SPIDR: variants seen among roughly 807,000 people sequenced by gnomAD.
SPIDR encodes the protein scaffold protein involved in DNA repair, also known as DNA repair-scaffolding protein.
A neutral mutation model predicts 104.6 loss-of-function variants in SPIDR; 93 were observed. The observed-to-expected ratio is 0.89, with a 90% confidence interval of 0.75 to 1.06. SPIDR has a LOEUF of 1.06. SPIDR is among the 50% of genes least tolerant of loss of function. The pLI is 0.00. For synonymous variants in SPIDR, 431 were observed against 416.9 expected (o/e 1.03, Z -0.41); for missense variants, 1,154 against 1,111.2 (o/e 1.04, Z -0.55).
At chr8:47,318,021 C>G (rs905469195) in intron 5 of SPIDR, among the ~76,000 whole-genome samples, 6 of 152,130 alleles carry the variant, frequency 3.9e-5, no homozygotes, top group East Asian at 1.9e-4. Context: ...ACTGGAAACT[C>G]TAAAAATCAG....
chr8:47,505,290 C>T (rs1030005934), intron 8 of SPIDR, among the ~76,000 whole-genome samples: 1 of 152,088 alleles, frequency 6.6e-6, no homozygotes, highest in African/African-American at 2.4e-5. Context: ...CCACCCAGTT[C>T]GAGCTTCCCC....
intron 7 of SPIDR, among the ~76,000 whole-genome samples, chr8:47,426,135 TC>T (rs1432671482): frequency 6.6e-6 from 1 of 151,218 alleles, no homozygotes; most frequent in East Asian, 1.9e-4. Context: ...ACTCCTGTAA[TC>T]CCAGCTACTT....
intron 10 of SPIDR, among the ~76,000 whole-genome samples, chr8:47,634,119 G>A (rs1380762063): frequency 2.0e-5 from 3 of 146,936 alleles, no homozygotes; most frequent in African/African-American, 7.5e-5. Flanking sequence ...AAGAATTACC[G>A]TGACTCCTGT....
intron 5 of SPIDR, chr8:47,360,833 T>G (rs2055723767): frequency 1.0e-6 from 1 of 985,328 alleles, no homozygotes; most frequent in South Asian, 4.7e-5. Context: ...CTTGAAGGTA[T>G]CTGGTGGTGT....
At position 47,673,874 on chromosome 8, in the gene SPIDR, A is replaced by G. The variant is rs1249705931; in HGVS notation, c.1618A>G (p.Arg540Gly). 2 of 1,614,188 alleles carry G rather than the reference A, an allele frequency of 1.2e-6. No individual in the cohort carries two copies. The highest frequency in any genetic ancestry group is 1.3e-5 in the African/African-American group (1 of 75,056). The change falls in exon 11 of 20, where the codon AGA becomes GGA. Residue 540 changes from arginine to glycine, a missense_variant. Coordinates refer to ENST00000297423, the MANE Select transcript of SPIDR (RefSeq NM_001080394.4). ...VHLEFTMSKA[R>G]QLEGKSCSLV... ...CTTGGAGTTCACCATGTCGAAGGCAAGACAGTTGGAAGGGAAGTCTTGCAG... is the reference window on the plus strand; with the variant it reads ...CTTGGAGTTCACCATGTCGAAGGCAGGACAGTTGGAAGGGAAGTCTTGCAG...
chr8:47,365,325 T>G (rs2056988841), intron 5 of SPIDR, among the ~76,000 whole-genome samples: 1 of 152,220 alleles, frequency 6.6e-6, no homozygotes, highest in African/African-American at 2.4e-5. Context: ...CATTATTGTG[T>G]TCTTCCAGAG....
chr8:47,419,487 C>T (rs1275739476), intron 7 of SPIDR, among the ~76,000 whole-genome samples: 2 of 151,862 alleles, frequency 1.3e-5, no homozygotes, highest in African/African-American at 2.4e-5. Context: ...ATTTTTATTG[C>T]GTCTATTTGA....
At chr8:47,464,113 T>C (rs1031195693) in intron 8 of SPIDR, among the ~76,000 whole-genome samples, 5 of 143,366 alleles carry the variant, frequency 3.5e-5, no homozygotes, top group African/African-American at 1.0e-4. Context: ...CTAAAGATTA[T>C]ACACACACAC....
rs1554658815 is a variant in SPIDR, at chr8:47,396,647, A to G, written c.776+21A>G. The G allele has an allele frequency of 1.9e-6, 3 of 1,561,986 alleles. No homozygotes were observed. In the Admixed American group the frequency reaches 6.4e-5, roughly 33 times the overall value. ...TTAAGGTTAAATTATACCCTTTTAA[A>G]TACTCTTTTTAAATTTTTCTCTTTC... On this transcript the variant is annotated intron_variant, in intron 6 of 19. Coordinates refer to ENST00000297423, the MANE Select transcript of SPIDR (RefSeq NM_001080394.4).
chr8:47,335,985 G>A (rs1476440758), intron 5 of SPIDR, among the ~76,000 whole-genome samples: 1 of 151,632 alleles, frequency 6.6e-6, no homozygotes, highest in African/African-American at 2.4e-5. Flanking sequence ...TCTGTGTGTG[G>A]TTTGGTGTGT....
chr8:47,382,529 C>T (rs895916359), intron 5 of SPIDR, among the ~76,000 whole-genome samples: 1 of 152,202 alleles, frequency 6.6e-6, no homozygotes, highest in African/African-American at 2.4e-5. Context: ...TCTCCTGCCT[C>T]AGCCTCTGGA....
chr8:47,260,915 G>C, upstream of SPIDR: 1 of 1,216,726 alleles, frequency 8.2e-7, no homozygotes, highest in Non-Finnish European at 1.0e-6. Context: ...AGGTGGGACG[G>C]CGGCGCGCTG....
At chr8:47,469,883 AC>A (rs1395720876) in intron 8 of SPIDR, among the ~76,000 whole-genome samples, 2 of 152,222 alleles carry the variant, frequency 1.3e-5, no homozygotes, top group African/African-American at 4.8e-5. Context: ...GAAGAAAACT[AC>A]AAAACATTGC....
chr8:47,449,034 TG>T (rs1377525305), intron 8 of SPIDR, among the ~76,000 whole-genome samples: 2 of 151,658 alleles, frequency 1.3e-5, no homozygotes, highest in Non-Finnish European at 2.9e-5. Context: ...GGAGGATGAC[TG>T]GGGGTGGAAG....
chr8:47,278,192 C>T (rs1437383995), intron 1 of SPIDR, among the ~76,000 whole-genome samples: 1 of 150,900 alleles, frequency 6.6e-6, no homozygotes, highest in Non-Finnish European at 1.5e-5. Flanking sequence ...TAGGATCTCA[C>T]TCTGCCACTG....
At chr8:47,413,250 T>G (rs1554673082) in intron 7 of SPIDR, among the ~76,000 whole-genome samples, 1 of 152,238 alleles carries the variant, frequency 6.6e-6, no homozygotes, top group African/African-American at 2.4e-5. Flanking sequence ...TTTTGTTTCC[T>G]TTTTCCACAT....
chr8:47,379,802 G>C (rs2059113960), intron 5 of SPIDR, among the ~76,000 whole-genome samples: 1 of 152,174 alleles, frequency 6.6e-6, no homozygotes, highest in Non-Finnish European at 1.5e-5. Context: ...CTTGATCCCT[G>C]TTGCCTTTGC....
At chr8:47,343,503 A>G (rs1319583117) in intron 5 of SPIDR, among the ~76,000 whole-genome samples, 1 of 152,208 alleles carries the variant, frequency 6.6e-6, no homozygotes, top group South Asian at 2.1e-4. Flanking sequence ...TATTACTTAC[A>G]GACAGGTAGT....
rs921800787 is a variant in SPIDR at position 47,469,978 on chromosome 8, A to G, written c.1097+29436A>G. Among the ~76,000 whole-genome samples the G allele has an allele frequency of 2.6e-5, 4 of 152,330 alleles. No individual in the cohort carries two copies. In the Middle Eastern group the frequency reaches 0.01, roughly 389 times the overall value. ...AGGCTTTAATATTGTTAAGATGACAATATCCTACCAAGCAATCTACAGATT... is the reference window on the plus strand; with the variant it reads ...AGGCTTTAATATTGTTAAGATGACAGTATCCTACCAAGCAATCTACAGATT... On this transcript the variant is annotated intron_variant, in intron 8 of 19. Coordinates refer to ENST00000297423, the MANE Select transcript of SPIDR (RefSeq NM_001080394.4).
Sources: gnomAD v4.1 joint callset for allele counts (sites outside exome capture counted in the v4.1 genomes callset) on GRCh38, gnomAD v4.1.1 for gene constraint, MANE v1.5 for transcripts, NCBI Gene and HGNC (gene_info 2026-07-23, HGNC 2026-07-21) for gene names.